The following CDIN1 variants were observed in gnomAD, a reference collection of about 807,000 sequenced individuals.
CDIN1 encodes CDAN1-interacting nuclease 1.
CDIN1 carries 33 observed loss-of-function variants against 45.3 expected under a neutral mutation model. That is an observed-to-expected ratio of 0.73 (90% confidence interval 0.55 to 0.97). CDIN1 has a LOEUF of 0.97. Ranked by LOEUF, CDIN1 falls within the 50% of genes least tolerant of loss-of-function variation. The pLI, the probability that CDIN1 is intolerant of heterozygous loss-of-function variation, is 0.00. For synonymous variants in CDIN1, 118 were observed against 124.4 expected (o/e 0.95, Z 0.34); for missense variants, 303 against 339.4 (o/e 0.89, Z 0.84).
At chr15:36,645,337 A>G in intron 3 of CDIN1, 50 bp downstream of exon 3, 2 of 1,335,108 alleles carry the variant, frequency 1.5e-6, no homozygotes, top group Non-Finnish European at 2.1e-6. Flanking sequence ...TATTAATTGT[A>G]ATAATAATTA....
At chr15:36,584,436 TAAAAACA>T (rs1259903401) in intron 1 of CDIN1, among the ~76,000 whole-genome samples, 1 of 152,186 alleles carries the variant, frequency 6.6e-6, no homozygotes, top group Non-Finnish European at 1.5e-5. Context: ...ACTCTGTCTC[TAAAAACA>T]AAAAACAAAA....
chr15:36,736,183 A>G (rs1038174372), intron 10 of CDIN1, among the ~76,000 whole-genome samples: 5 of 152,238 alleles, frequency 3.3e-5, no homozygotes, highest in Admixed American at 6.5e-5. Context: ...ACTGCTTTAA[A>G]TCACCCCCAT....
chr15:36,583,723 A>G (rs1434807375), intron 1 of CDIN1, among the ~76,000 whole-genome samples: 2 of 152,222 alleles, frequency 1.3e-5, no homozygotes, highest in African/African-American at 2.4e-5. Flanking sequence ...AAACTTCTAA[A>G]TAAAGACCCA....
chr15:36,746,448 A>G (rs999155903), intron 10 of CDIN1, among the ~76,000 whole-genome samples: 5 of 152,188 alleles, frequency 3.3e-5, no homozygotes, highest in East Asian at 1.9e-4. Context: ...AAAGGTATTT[A>G]TGATAGGAGT....
At chr15:36,796,572 C>G (rs980069174) in intron 10 of CDIN1, among the ~76,000 whole-genome samples, 5 of 152,344 alleles carry the variant, frequency 3.3e-5, no homozygotes, top group Non-Finnish European at 5.9e-5. Flanking sequence ...CCAGACCTGT[C>G]TAGCACTGGC....
intron 1 of CDIN1, among the ~76,000 whole-genome samples, chr15:36,586,452 A>T (rs1463044529): frequency 2.6e-5 from 4 of 152,166 alleles, no homozygotes; most frequent in South Asian, 4.1e-4. Flanking sequence ...TGTGAAACGA[A>T]CTACCCTACA....
At chr15:36,805,146 C>T (rs536042361) in intron 10 of CDIN1, among the ~76,000 whole-genome samples, 1 of 152,242 alleles carries the variant, frequency 6.6e-6, no homozygotes, top group South Asian at 2.1e-4. Flanking sequence ...ATTACTTATT[C>T]AAACGTCATT....
rs553034770 is a variant in CDIN1 at position 36,701,339 on chromosome 15, A to G, written c.544+3949A>G. The stretch of plus-strand genomic sequence containing the variant: ...GCAGACAAAATAGAAAATGTATTTC[A>G]TCTACTGGTAGAGACATGTTAACTA... On this transcript the variant is annotated intron_variant, in intron 8 of 10. Transcript: ENST00000566621. Among the ~76,000 whole-genome samples, 108 of 152,284 alleles carry G rather than the reference A, an allele frequency of 7.1e-4. 1 individual carries two copies. The highest frequency in any genetic ancestry group is 2.6e-3 in the African/African-American group (108 of 41,576).
chr15:36,791,329 T>C (rs1055115751), intron 10 of CDIN1, among the ~76,000 whole-genome samples: 1 of 152,210 alleles, frequency 6.6e-6, no homozygotes, highest in Admixed American at 6.5e-5. Context: ...TGCCAGGTAA[T>C]AATGAAGTCG....
At chr15:36,710,799 G>A (rs8024246) in intron 10 of CDIN1, among the ~76,000 whole-genome samples, 24,276 of 152,070 alleles carry the variant, frequency 0.16, 2,050 homozygotes, top group East Asian at 0.25. Flanking sequence ...TGAGACAGTA[G>A]CATCTGTGGG....
At chr15:36,661,259 A>C (rs941484151) in intron 5 of CDIN1, among the ~76,000 whole-genome samples, 1 of 152,202 alleles carries the variant, frequency 6.6e-6, no homozygotes, top group Non-Finnish European at 1.5e-5. Context: ...GTCACATCAC[A>C]GACCTGGGTA....
At chr15:36,708,528 T>G (rs1354298783) in intron 8 of CDIN1, 1 of 151,552 alleles carries the variant, frequency 6.6e-6, no homozygotes, top group Non-Finnish European at 1.5e-5. Context: ...AAGCTTCCTG[T>G]TTTCCTGCCT....
chr15:36,703,227 TATATATCAG>T (rs1202100481), intron 8 of CDIN1, among the ~76,000 whole-genome samples: 5 of 126,062 alleles, frequency 4.0e-5, no homozygotes, highest in African/African-American at 1.5e-4. Context: ...CAAATATATA[TATATATCAG>T]ATATATATAT....
At chr15:36,604,061 G>A (rs2038234926) in intron 1 of CDIN1, among the ~76,000 whole-genome samples, 1 of 152,126 alleles carries the variant, frequency 6.6e-6, no homozygotes. Flanking sequence ...TTCTGCTACA[G>A]ATGTTAAAAC....
At chr15:36,780,547 A>T (rs1437802485) in intron 10 of CDIN1, among the ~76,000 whole-genome samples, 1 of 152,184 alleles carries the variant, frequency 6.6e-6, no homozygotes, top group Non-Finnish European at 1.5e-5. Flanking sequence ...TTTGAAAAGG[A>T]ATCTTTCCCA....
chr15:36,672,147 A>ATT lies in CDIN1; in HGVS notation c.346+14251_346+14252dup, dbSNP rs143892472. ...TTAAATTTTTAGAATTTCACTTAGC[A>ATT]TTTTTTTTTTGAAATAGGGAGAAAA... is the stretch of plus-strand genomic sequence containing the variant. On this transcript the variant is annotated intron_variant, in intron 5 of 10. Transcript: ENST00000566621. Among the ~76,000 whole-genome samples the ATT allele has an allele frequency of 1.3e-4, 20 of 149,256 alleles. 1 individual carries two copies. Among genetic ancestry groups the ATT allele is most frequent in the East Asian group, 7.9e-4 (4 of 5,090 alleles).
chr15:36,686,209 A>C (rs1595469743), intron 5 of CDIN1, among the ~76,000 whole-genome samples: 1 of 151,858 alleles, frequency 6.6e-6, no homozygotes, highest in South Asian at 2.1e-4. Context: ...GCACATATAC[A>C]CCATGGAATA....
intron 10 of CDIN1, among the ~76,000 whole-genome samples, chr15:36,771,757 G>A (rs1223487198): frequency 2.0e-5 from 3 of 152,022 alleles, no homozygotes; most frequent in African/African-American, 2.4e-5. Context: ...GTGAAACCCC[G>A]TCTCTACTAA....
At chr15:36,754,501 T>C (rs113954180) in intron 10 of CDIN1, among the ~76,000 whole-genome samples, 2 of 151,540 alleles carry the variant, frequency 1.3e-5, no homozygotes, top group African/African-American at 4.8e-5. Context: ...GCTACATTTC[T>C]GTCCAAAATA....
Sources: gnomAD v4.1 joint callset for allele counts (sites outside exome capture counted in the v4.1 genomes callset) on GRCh38, gnomAD v4.1.1 for gene constraint, MANE v1.5 for transcripts, NCBI Gene and HGNC (gene_info 2026-07-23, HGNC 2026-07-21) for gene names.